COL19A1: variants seen among roughly 807,000 people sequenced by gnomAD.
COL19A1 encodes collagen type XIX alpha 1 chain.
A neutral mutation model predicts 190.2 loss-of-function variants in COL19A1; 159 were observed. The ratio of observed to expected loss-of-function variants is 0.84; its 90% CI spans 0.73 to 0.95. The LOEUF (loss-of-function observed/expected upper bound fraction) is 0.95. Ranked by LOEUF, COL19A1 falls within the 40% of genes least tolerant of loss-of-function variation. The pLI is 0.00. For missense variants in COL19A1, 1,418 were observed against 1,431.9 expected (o/e 0.99, Z 0.16); for synonymous variants, 509 against 458.9 (o/e 1.11, Z -1.39).
intron 11 of COL19A1, among the ~76,000 whole-genome samples, chr6:69,970,281 G>A (rs192569432): frequency 1.1e-4 from 16 of 152,002 alleles, no homozygotes; most frequent in Non-Finnish European, 1.9e-4. Context: ...CTTAAAGTTA[G>A]GTTTATATAG....
At chr6:70,176,597 G>A in intron 42 of COL19A1, 33 bp downstream of exon 42, 3 of 1,609,792 alleles carry the variant, frequency 1.9e-6, no homozygotes, top group Non-Finnish European at 2.5e-6. Flanking sequence ...CATTTTCACA[G>A]GTAAACGGTT....
rs1285016722 is a variant in COL19A1 at position 70,110,433 on chromosome 6, T to TA, written c.1278+8219dup. On this transcript the variant is annotated intron_variant, in intron 16 of 50. Coordinates refer to ENST00000620364, the MANE Select transcript of COL19A1 (RefSeq NM_001858.6). ...CAATGGGAATAGGAATTTCATTTCT[T>TA]AAAAAAAAGTAAGATGACACTTTCT... is the stretch of plus-strand genomic sequence containing the variant. Among the ~76,000 whole-genome samples, 18 of 152,146 alleles carry TA rather than the reference T, an allele frequency of 1.2e-4. No homozygotes were observed. The South Asian group carries it at 3.5e-3, about 30-fold the overall frequency.
intron 16 of COL19A1, among the ~76,000 whole-genome samples, chr6:70,102,590 T>A (rs1205675378): frequency 6.6e-6 from 1 of 152,178 alleles, no homozygotes; most frequent in Non-Finnish European, 1.5e-5. Context: ...TGTTAGAAAA[T>A]CAGACATCTG....
chr6:70,160,074 T>A (rs773593220), intron 34 of COL19A1, among the ~76,000 whole-genome samples: 63 of 152,148 alleles, frequency 4.1e-4, no homozygotes, highest in Non-Finnish European at 5.6e-4. Flanking sequence ...CTGGCAATAG[T>A]AATGTCATGG....
At chr6:69,959,246 A>G (rs1462629637) in intron 9 of COL19A1, among the ~76,000 whole-genome samples, 1 of 152,216 alleles carries the variant, frequency 6.6e-6, no homozygotes, top group East Asian at 1.9e-4. Flanking sequence ...AACAGGAAGA[A>G]CTAAAAAGTC....
chr6:70,132,821 G>A (rs1423264875), intron 18 of COL19A1, among the ~76,000 whole-genome samples: 3 of 152,160 alleles, frequency 2.0e-5, no homozygotes, highest in Non-Finnish European at 4.4e-5. Flanking sequence ...GTTGATTGTG[G>A]CATTAACAGC....
In COL19A1 at chr6:70,055,905, C is replaced by A. The variant is rs542304291; in HGVS notation, c.1171-12518C>A. ...TCGTTTGTTTCGGTTTGTTTTTTTTCTGGCATTTCTAATTCTTTCTACTTT... is the reference window on the plus strand; with the variant it reads ...TCGTTTGTTTCGGTTTGTTTTTTTTATGGCATTTCTAATTCTTTCTACTTT... On this transcript the variant is annotated intron_variant, in intron 14 of 50. Coordinates refer to ENST00000620364, the MANE Select transcript of COL19A1 (RefSeq NM_001858.6). 1.7e-4 allele frequency among the ~76,000 whole-genome samples: 25 copies of A among 144,176 alleles called. 1 individual carries two copies. The highest frequency in any genetic ancestry group is 3.5e-4 in the Non-Finnish European group (23 of 65,886). 94.6% of individuals were successfully genotyped at this position (144,176 alleles called of 152,430 possible).
chr6:69,917,282 A>G (rs1162297208), intron 4 of COL19A1, among the ~76,000 whole-genome samples: 1 of 152,218 alleles, frequency 6.6e-6, no homozygotes, highest in African/African-American at 2.4e-5. Context: ...TGACTTTTCC[A>G]TCTGTTGTTT....
At chr6:69,996,917 T>TGG (rs1776936535) in intron 11 of COL19A1, among the ~76,000 whole-genome samples, 1 of 117,652 alleles carries the variant, frequency 8.5e-6, no homozygotes, top group Non-Finnish European at 1.6e-5. Context: ...CAAAAAGACT[T>TGG]GTGTGTGTGT....
chr6:70,170,944 C>G (rs1036613524), intron 40 of COL19A1, among the ~76,000 whole-genome samples: 1 of 152,162 alleles, frequency 6.6e-6, no homozygotes, highest in Non-Finnish European at 1.5e-5. Flanking sequence ...ATGTCTAAAG[C>G]ATCCGGTGTC....
chr6:70,118,394 T>G (rs1784701563), intron 16 of COL19A1, among the ~76,000 whole-genome samples: 1 of 152,188 alleles, frequency 6.6e-6, no homozygotes, highest in South Asian at 2.1e-4. Context: ...TCACTGACTA[T>G]AGTCAGAGTA....
At chr6:69,972,184 A>C (rs1775467050) in intron 11 of COL19A1, among the ~76,000 whole-genome samples, 1 of 152,170 alleles carries the variant, frequency 6.6e-6, no homozygotes, top group Non-Finnish European at 1.5e-5. Context: ...CTATCCACTT[A>C]GCACATCTTA....
At chr6:69,971,267 G>T (rs3793032) in intron 11 of COL19A1, among the ~76,000 whole-genome samples, 33,273 of 151,944 alleles carry the variant, frequency 0.22, 6,166 homozygotes, top group African/African-American at 0.5. Flanking sequence ...AATATTTTAT[G>T]TGAGCATTCC....
Position 69,947,543 on chromosome 6 carries a change from T to G in COL19A1, c.936+9443T>G, listed in dbSNP as rs73482134. Among the ~76,000 whole-genome samples, 1,081 of 152,028 alleles carry G rather than the reference T, an allele frequency of 7.1e-3. 14 individuals carry two copies. The highest frequency in any genetic ancestry group is 0.022 in the African/African-American group (921 of 41,536). The stretch of plus-strand genomic sequence containing the variant: ...CTAAATTTTTAAAGTTCTCATATGT[T>G]GATGCTAAGAAAATTCTCTTCTTTA... On this transcript the variant is annotated intron_variant, in intron 9 of 50. Transcript: ENST00000620364.
chr6:70,092,142 C>T (rs916913448), intron 15 of COL19A1, among the ~76,000 whole-genome samples: 2 of 152,030 alleles, frequency 1.3e-5, no homozygotes, highest in Non-Finnish European at 2.9e-5. Flanking sequence ...GAGAAGAGAA[C>T]CGAAGAGCGC....
At chr6:69,927,659 T>A (rs1304606380) in intron 4 of COL19A1, among the ~76,000 whole-genome samples, 7 of 152,204 alleles carry the variant, frequency 4.6e-5, no homozygotes, top group African/African-American at 1.4e-4. Context: ...TTTTCTTCTG[T>A]TCAATATCTT....
intron 1 of COL19A1, among the ~76,000 whole-genome samples, chr6:69,876,317 G>A (rs1023156530): frequency 3.3e-5 from 5 of 152,180 alleles, no homozygotes; most frequent in African/African-American, 4.8e-5. Context: ...TTATAGCTTT[G>A]TAGCCCTCTG....
At chr6:70,109,680 T>G (rs903184877) in intron 16 of COL19A1, among the ~76,000 whole-genome samples, 2 of 152,076 alleles carry the variant, frequency 1.3e-5, no homozygotes, top group Admixed American at 1.3e-4. Flanking sequence ...GCCCATTATC[T>G]TTAGTCTTTG....
chr6:69,936,813 T>G lies in COL19A1; in HGVS notation c.776T>G (p.Ile259Ser), dbSNP rs755928924. Residue 259 changes from isoleucine to serine, a missense_variant, in exon 8 of 51, where the codon ATT (isoleucine) becomes AGT (serine). Ile to Ser is a moderately radical substitution (Grantham distance 142). Coordinates refer to ENST00000620364, the MANE Select transcript of COL19A1 (RefSeq NM_001858.6). ...CCAGAGCAGGATGGCTTTGGAAATA[T>G]TGCATCATCATGGGTAACTGCTCAT... ...KCPEQDGFGNIASSWVTAHAS... is the reference protein window; with the variant it reads ...KCPEQDGFGNSASSWVTAHAS... The G allele has an allele frequency of 6.2e-7, 1 of 1,613,116 alleles. No homozygotes were observed. The highest frequency in any genetic ancestry group is 2.2e-5 in the East Asian group (1 of 44,864).
Sources: allele counts gnomAD v4.1 joint callset (sites outside exome capture counted in the v4.1 genomes callset), GRCh38; gene constraint gnomAD v4.1.1; transcripts MANE v1.5; gene names NCBI Gene and HGNC (gene_info 2026-07-23, HGNC 2026-07-21).